ACACA: variants seen among roughly 807,000 people sequenced by gnomAD.
The protein encoded by ACACA is acetyl-CoA carboxylase alpha, also known as acetyl-CoA carboxylase 1.
In ACACA, 103 loss-of-function variants were observed where a neutral mutation model predicts 296.1. The ratio of observed to expected loss-of-function variants is 0.35; its 90% confidence interval spans 0.30 to 0.41. The LOEUF is 0.41. ACACA is among the 10% of genes least tolerant of loss of function. The pLI, the probability that ACACA is intolerant of heterozygous loss-of-function variation, is 1.00. For synonymous variants in ACACA, 953 were observed against 1,038.6 expected (o/e 0.92, Z 1.58); for missense variants, 1,554 against 2,989.7 (o/e 0.52, Z 11.20).
chr17:37,247,916 AC>A, intron 18 of ACACA, 94 bp downstream of exon 18: 3 of 1,485,678 alleles, frequency 2.0e-6, no homozygotes, highest in Non-Finnish European at 2.8e-6. Flanking sequence ...ACAAATGAGT[AC>A]CAAGAAAAGC....
Position 37,240,614 on chromosome 17 carries a change from T to G in ACACA, c.3033-50A>C, listed in dbSNP as rs1329767720. 2.6e-6 allele frequency: 4 copies of G among 1,527,596 alleles called. No individual in the cohort carries two copies. The Admixed American group carries it at 7.1e-5, about 27-fold the overall frequency. The allele number at this position is 1,527,596 out of a possible 1,614,324, so 94.6% of individuals were successfully genotyped here. A position where few individuals can be genotyped will look rare whatever the true frequency, so the allele number is the denominator to read the frequency against. ...GAAAAACCTGACAATCCAACACTAT[T>G]AAGCAATAAACCCAAAGGCCAAATT... On this transcript the variant is annotated intron_variant, in intron 23 of 55. Transcript: ENST00000616317.
chr17:37,118,620 A>C (rs982084204), intron 50 of ACACA, among the ~76,000 whole-genome samples: 1 of 152,176 alleles, frequency 6.6e-6, no homozygotes, highest in Non-Finnish European at 1.5e-5. Context: ...GCTACATCAC[A>C]TCAGCCAACT....
chr17:37,154,604 G>GTCC (rs940931905), intron 43 of ACACA, among the ~76,000 whole-genome samples: 52 of 151,840 alleles, frequency 3.4e-4, no homozygotes, highest in African/African-American at 1.2e-3. Context: ...TCAAGCGATT[G>GTCC]TCCTGCCTCA....
intron 3 of ACACA, among the ~76,000 whole-genome samples, chr17:37,305,263 AGTTT>A (rs773426549): frequency 7.2e-5 from 11 of 152,170 alleles, no homozygotes; most frequent in Non-Finnish European, 1.5e-4. Flanking sequence ...TGTTGTTACT[AGTTT>A]GTTTTTTTCT....
chr17:37,125,774 T>C lies in ACACA; in HGVS notation c.5965A>G (p.Ser1989Gly), dbSNP rs200119596. 7.9e-5 allele frequency: 127 copies of C among 1,613,786 alleles called. No individual in the cohort carries two copies. Among genetic ancestry groups the C allele is most frequent in the Admixed American group, 5.0e-5 (3 of 59,978 alleles). The change falls in exon 48 of 56, where the codon AGT becomes GGT. Residue 1989 changes from serine (S) to glycine (G), a missense_variant. Coordinates refer to ENST00000616317, the MANE Select transcript of ACACA (RefSeq NM_198834.3). ...AAAGATCCATAGTCAAAAAAGCCAC[T>C]CAACCACTGACCTTTTTGGGCTACA... ...PHPTQKGQWL[S>G]GFFDYGSFSE...
intron 1 of ACACA, chr17:37,385,996 C>T (rs762326361): frequency 1.3e-6 from 2 of 1,524,936 alleles, no homozygotes; most frequent in Non-Finnish European, 1.8e-6. Context: ...ATCTTTTCTA[C>T]TTTGTTTTAT....
intron 41 of ACACA, among the ~76,000 whole-genome samples, chr17:37,164,287 C>A (rs763809171): frequency 5.3e-5 from 8 of 152,150 alleles, no homozygotes; most frequent in Non-Finnish European, 1.0e-4. Flanking sequence ...CATGCATCAC[C>A]CAGACTCAAC....
At chr17:37,139,463 G>A (rs550511375) in intron 45 of ACACA, among the ~76,000 whole-genome samples, 5 of 152,336 alleles carry the variant, frequency 3.3e-5, no homozygotes, top group South Asian at 4.1e-4. Flanking sequence ...AGGCAAGAGG[G>A]TAATACATTC....
At chr17:37,288,479 G>T (rs950944700) in intron 3 of ACACA, among the ~76,000 whole-genome samples, 1 of 152,182 alleles carries the variant, frequency 6.6e-6, no homozygotes, top group Non-Finnish European at 1.5e-5. Flanking sequence ...GAATCAGTGG[G>T]CTGGGGCTGT....
At chr17:37,162,625 T>C (rs1305642546) in intron 41 of ACACA, 3 of 280,530 alleles carry the variant, frequency 1.1e-5, no homozygotes, top group Non-Finnish European at 2.0e-5. Flanking sequence ...TATGAACGCC[T>C]TGGGCACACT....
chr17:37,234,881 T>A, intron 25 of ACACA, 94 bp downstream of exon 25: 1 of 1,375,464 alleles, frequency 7.3e-7, no homozygotes, highest in South Asian at 1.2e-5. Flanking sequence ...TAAAAGGCAG[T>A]AGTTTTTTTT....
At chr17:37,186,635 C>T (rs2077544474) in intron 39 of ACACA, among the ~76,000 whole-genome samples, 1 of 152,192 alleles carries the variant, frequency 6.6e-6, no homozygotes, top group Non-Finnish European at 1.5e-5. Flanking sequence ...TCCCATATGG[C>T]AGTAGCTCTT....
At chr17:37,370,808 A>AC (rs548327954) in intron 1 of ACACA, among the ~76,000 whole-genome samples, 400 of 152,008 alleles carry the variant, frequency 2.6e-3, no homozygotes, top group Non-Finnish European at 4.6e-3. Context: ...ACATGGCGAA[A>AC]CCCCGTCTCT....
At chr17:37,381,978 T>C (rs1240854861) in intron 1 of ACACA, among the ~76,000 whole-genome samples, 1 of 152,194 alleles carries the variant, frequency 6.6e-6, no homozygotes, top group Admixed American at 6.5e-5. Flanking sequence ...TTTGGTCGTT[T>C]CCAATCTTTT....
intron 1 of ACACA, among the ~76,000 whole-genome samples, chr17:37,350,956 A>C (rs977414323): frequency 2.0e-5 from 3 of 149,866 alleles, no homozygotes; most frequent in African/African-American, 7.4e-5. Context: ...AACATGGTAA[A>C]ACCCTGTCTC....
intron 45 of ACACA, among the ~76,000 whole-genome samples, chr17:37,130,764 G>A (rs1214450312): frequency 6.6e-6 from 1 of 152,056 alleles, no homozygotes; most frequent in Admixed American, 6.5e-5. Flanking sequence ...ACCTCATTGT[G>A]TGCAAGTCTC....
chr17:37,371,952 T>C (rs756747684), intron 1 of ACACA, among the ~76,000 whole-genome samples: 33 of 152,178 alleles, frequency 2.2e-4, no homozygotes, highest in Non-Finnish European at 4.0e-4. Flanking sequence ...TGCTGGTGGC[T>C]GATCCCTATG....
intron 43 of ACACA, among the ~76,000 whole-genome samples, chr17:37,153,129 T>C (rs896210636): frequency 1.3e-5 from 2 of 152,198 alleles, no homozygotes; most frequent in South Asian, 2.1e-4. Flanking sequence ...ATAAGGTCCA[T>C]ATAGTCATAA....
In ACACA at chr17:37,252,093, T is replaced by C; in HGVS notation, c.1993A>G (p.Thr665Ala). ...AEKVQAERPD[T>A]MLGVVCGALH... ...GCACCACACACAACCCCCAACATGGTGTCAGGTCGCTCAGCCTGAAAGGAG... is the reference window on the plus strand; with the variant it reads ...GCACCACACACAACCCCCAACATGGCGTCAGGTCGCTCAGCCTGAAAGGAG... Residue 665 changes from threonine (T) to alanine (A), a missense_variant, in exon 16 of 56, where the codon ACC becomes GCC. By Grantham distance (58) the Thr-to-Ala change is moderately conservative. Transcript: ENST00000616317. The C allele has an allele frequency of 6.2e-7, 1 of 1,614,104 alleles. No homozygotes were observed. Among genetic ancestry groups the C allele is most frequent in the Non-Finnish European group, 8.5e-7 (1 of 1,179,994 alleles).
Sources: allele counts gnomAD v4.1 joint callset (sites outside exome capture counted in the v4.1 genomes callset), GRCh38; gene constraint gnomAD v4.1.1; transcripts MANE v1.5; gene names NCBI Gene and HGNC (gene_info 2026-07-23, HGNC 2026-07-21).